The following BMERB1 variants were observed in gnomAD, a reference collection of about 807,000 sequenced individuals.
BMERB1 encodes the protein bMERB domain-containing protein 1.
BMERB1 carries 12 observed loss-of-function variants against 23.6 expected under a neutral mutation model. That is an observed-to-expected ratio of 0.51 (90% CI 0.33 to 0.82). The LOEUF is 0.82. BMERB1 is among the 40% of genes least tolerant of loss of function. BMERB1 has a pLI of 0.03. For missense variants in BMERB1, 247 were observed against 255.4 expected (o/e 0.97, Z 0.22); for synonymous variants, 122 against 96.6 (o/e 1.26, Z -1.54).
intron 2 of BMERB1, among the ~76,000 whole-genome samples, chr16:15,552,078 G>T (rs996433106): frequency 6.6e-6 from 1 of 152,072 alleles, no homozygotes; most frequent in Non-Finnish European, 1.5e-5. Context: ...TTCACAGCTC[G>T]CTGGGCCCTC....
chr16:15,449,457 A>G (rs1476547690), intron 1 of BMERB1, among the ~76,000 whole-genome samples: 1 of 152,140 alleles, frequency 6.6e-6, no homozygotes, highest in Non-Finnish European at 1.5e-5. Flanking sequence ...CAGACCCCAG[A>G]TCTCAGCATC....
chr16:15,480,606 C>CTTTTTTTTTTTTTTTTTTTTTTT (rs1159247360), intron 1 of BMERB1, among the ~76,000 whole-genome samples: 1 of 58,962 alleles, frequency 1.7e-5, no homozygotes. Flanking sequence ...ATTCCACTGT[C>CTTTTTTTTTTTTTTTTTTTTTTT]TTTTTTTTTT....
intron 1 of BMERB1, among the ~76,000 whole-genome samples, chr16:15,463,402 G>A (rs547640384): frequency 1.4e-4 from 22 of 152,188 alleles, no homozygotes; most frequent in African/African-American, 2.2e-4. Flanking sequence ...CCTGAAATAC[G>A]CTTGAAGGCA....
At chr16:15,549,708 G>C (rs1451383407) in intron 2 of BMERB1, among the ~76,000 whole-genome samples, 1 of 152,066 alleles carries the variant, frequency 6.6e-6, no homozygotes, top group East Asian at 1.9e-4. Flanking sequence ...TAAACAGGAG[G>C]GGCTTAGGGC....
At chr16:15,493,604 G>C (rs922622906) in intron 1 of BMERB1, among the ~76,000 whole-genome samples, 3 of 151,984 alleles carry the variant, frequency 2.0e-5, no homozygotes, top group Non-Finnish European at 2.9e-5. Context: ...CTTCTGCCAT[G>C]ATCTGACTCT....
intron 2 of BMERB1, among the ~76,000 whole-genome samples, chr16:15,560,925 A>ATTTTCTCTTTCCTT: frequency 7.8e-6 from 1 of 128,980 alleles, no homozygotes; most frequent in East Asian, 2.2e-4. Flanking sequence ...CTTCCACATC[A>ATTTTCTCTTTCCTT]TTTTCTCTTT....
At chr16:15,448,842 G>A (rs746367641) in intron 1 of BMERB1, among the ~76,000 whole-genome samples, 2 of 152,102 alleles carry the variant, frequency 1.3e-5, no homozygotes, top group Non-Finnish European at 2.9e-5. Context: ...CGTGAGATTA[G>A]CATCCTCGCC....
intron 1 of BMERB1, among the ~76,000 whole-genome samples, chr16:15,458,246 T>C (rs2051101894): frequency 6.6e-6 from 1 of 152,212 alleles, no homozygotes; most frequent in Admixed American, 6.5e-5. Flanking sequence ...GCACACACTG[T>C]ATTACAACGG....
At chr16:15,578,957 G>A (rs2030941527) in intron 3 of BMERB1, among the ~76,000 whole-genome samples, 1 of 152,206 alleles carries the variant, frequency 6.6e-6, no homozygotes, top group Non-Finnish European at 1.5e-5. Context: ...ACTTGGGCTA[G>A]TCATAGGTCT....
chr16:15,456,324 G>A (rs2051087212), intron 1 of BMERB1, among the ~76,000 whole-genome samples: 3 of 151,148 alleles, frequency 2.0e-5, no homozygotes, highest in African/African-American at 7.3e-5. Flanking sequence ...CAGTAATACA[G>A]CATTATCTTT....
intron 1 of BMERB1, among the ~76,000 whole-genome samples, chr16:15,444,974 C>G (rs2050976655): frequency 6.6e-6 from 1 of 152,188 alleles, no homozygotes; most frequent in Non-Finnish European, 1.5e-5. Context: ...ACAGCTCTTG[C>G]AAGCCTCAAC....
intron 1 of BMERB1, among the ~76,000 whole-genome samples, chr16:15,482,894 T>TG (rs1164273651): frequency 1.3e-5 from 2 of 152,090 alleles, no homozygotes; most frequent in South Asian, 2.1e-4. Context: ...GACCATTCAG[T>TG]GGGGGAGATC....
chr16:15,437,527 C>T (rs762950352), intron 1 of BMERB1, among the ~76,000 whole-genome samples: 7 of 151,984 alleles, frequency 4.6e-5, no homozygotes, highest in Non-Finnish European at 7.4e-5. Context: ...TCAATAATGC[C>T]CTTGTAGCTT....
intron 3 of BMERB1, among the ~76,000 whole-genome samples, chr16:15,573,219 TG>T (rs1474376671): frequency 6.6e-6 from 1 of 152,210 alleles, no homozygotes; most frequent in Non-Finnish European, 1.5e-5. Context: ...GCTTCAAGCC[TG>T]ACCTCCTCAA....
intron 3 of BMERB1, among the ~76,000 whole-genome samples, chr16:15,580,849 C>T (rs556566098): frequency 9.9e-5 from 15 of 151,574 alleles, no homozygotes; most frequent in African/African-American, 3.1e-4. Flanking sequence ...CCGGCCAGCT[C>T]AAGTGCTTTT....
chr16:15,437,835 A>G (rs767413229), intron 1 of BMERB1, among the ~76,000 whole-genome samples: 4 of 151,892 alleles, frequency 2.6e-5, no homozygotes, highest in Non-Finnish European at 4.4e-5. Flanking sequence ...GTGGGCGCCT[A>G]TTGTCCCAGC....
At chr16:15,466,250 C>A (rs140139262) in intron 1 of BMERB1, among the ~76,000 whole-genome samples, 91 of 152,302 alleles carry the variant, frequency 6.0e-4, no homozygotes, top group African/African-American at 2.0e-3. Context: ...CCAACCTGAT[C>A]TTTCCAGACT....
chr16:15,567,912 T>A, intron 2 of BMERB1, 71 bp from the exon 3 acceptor site: 1 of 1,391,794 alleles, frequency 7.2e-7, no homozygotes, highest in Non-Finnish European at 1.0e-6. Flanking sequence ...TTCTTTGTGT[T>A]AACCGGGTGA....
intron 1 of BMERB1, among the ~76,000 whole-genome samples, chr16:15,471,250 T>G (rs911461093): frequency 8.5e-5 from 13 of 152,302 alleles, no homozygotes; most frequent in African/African-American, 3.1e-4. Flanking sequence ...TTTTTTGGCC[T>G]ATGGATGTCC....
Sources: gnomAD v4.1 joint callset for allele counts (sites outside exome capture counted in the v4.1 genomes callset) on GRCh38, gnomAD v4.1.1 for gene constraint, MANE v1.5 for transcripts, NCBI Gene and HGNC (gene_info 2026-07-23, HGNC 2026-07-21) for gene names.